Variants in MTUS2 observed in about 807,000 individuals in gnomAD.
MTUS2 encodes the protein microtubule-associated tumor suppressor candidate 2.
In MTUS2, 40 loss-of-function variants were observed where a neutral mutation model predicts 114.1. That is an observed-to-expected ratio of 0.35 (90% confidence interval 0.27 to 0.46). MTUS2 has a LOEUF of 0.46. MTUS2 is among the 20% of genes least tolerant of loss of function. MTUS2 has a pLI of 1.00. For missense variants in MTUS2, 1,679 were observed against 1,705.4 expected (o/e 0.98, Z 0.27); for synonymous variants, 688 against 672.0 (o/e 1.02, Z -0.37).
chr13:29,108,423 G>A (rs1009375975), intron 5 of MTUS2, among the ~76,000 whole-genome samples: 4 of 152,192 alleles, frequency 2.6e-5, no homozygotes, highest in African/African-American at 9.7e-5. Flanking sequence ...CTGAAGGTTT[G>A]GGGAACATTT....
At chr13:28,982,845 AAAGTAG>A (rs1470231405) in intron 2 of MTUS2, among the ~76,000 whole-genome samples, 2 of 152,182 alleles carry the variant, frequency 1.3e-5, no homozygotes, top group African/African-American at 4.8e-5. Flanking sequence ...TCATAGACGA[AAAGTAG>A]AAGGGTGGTT....
chr13:29,014,897 G>A (rs923562929), intron 2 of MTUS2, among the ~76,000 whole-genome samples: 2 of 152,246 alleles, frequency 1.3e-5, no homozygotes, highest in South Asian at 2.1e-4. Flanking sequence ...AGCATGGTAG[G>A]AGATGTGTGG....
chr13:29,296,245 CT>C (rs1402764575), intron 6 of MTUS2, among the ~76,000 whole-genome samples: 2 of 152,006 alleles, frequency 1.3e-5, no homozygotes, highest in African/African-American at 4.8e-5. Flanking sequence ...CAGGGTCTCA[CT>C]CTGTCACCCA....
Position 29,498,564 on chromosome 13 carries a change from G to A in MTUS2, c.3798+27G>A, listed in dbSNP as rs370101300. The A allele has an allele frequency of 2.3e-5, 37 of 1,613,260 alleles. No homozygotes were observed. The African/African-American group carries it at 4.4e-4, about 19-fold the overall frequency. ...TGAGTTGGTCTGTTTGCTCGGGAGA[G>A]TAACCTCCATGACATTCCTGCTGTC... is the stretch of plus-strand genomic sequence containing the variant. On this transcript the variant is annotated intron_variant, in intron 14 of 15. Coordinates refer to ENST00000612955, the MANE Select transcript of MTUS2 (RefSeq NM_001033602.4).
rs560748663 is a variant in MTUS2 at position 29,380,293 on chromosome 13, C to A, written c.3117+20820C>A. 7.9e-5 allele frequency among the ~76,000 whole-genome samples: 12 copies of A among 152,348 alleles called. 1 individual carries two copies. The East Asian group carries it at 2.3e-3, about 29-fold the overall frequency. On this transcript the variant is annotated intron_variant, in intron 8 of 15. Coordinates refer to ENST00000612955, the MANE Select transcript of MTUS2 (RefSeq NM_001033602.4). ...GAACAGCCAACACTGACCCTTATGC[C>A]AGACAGCCGTGAATCTCAGTGACAT...
intron 6 of MTUS2, among the ~76,000 whole-genome samples, chr13:29,317,912 A>G (rs1461896843): frequency 6.6e-6 from 1 of 152,146 alleles, no homozygotes; most frequent in Non-Finnish European, 1.5e-5. Context: ...TACATCATTC[A>G]TGTTTTCTGT....
At chr13:29,349,307 A>G (rs538033993) in intron 7 of MTUS2, among the ~76,000 whole-genome samples, 1 of 152,196 alleles carries the variant, frequency 6.6e-6, no homozygotes, top group South Asian at 2.1e-4. Context: ...TTACAACAGC[A>G]TATTTCCATC....
At chr13:29,045,894 T>C (rs1887591218) in intron 4 of MTUS2, among the ~76,000 whole-genome samples, 1 of 152,126 alleles carries the variant, frequency 6.6e-6, no homozygotes, top group African/African-American at 2.4e-5. Context: ...TCTGTAATCT[T>C]TCCCATCCCC....
chr13:28,924,704 C>A (rs1881234744), intron 2 of MTUS2, among the ~76,000 whole-genome samples: 1 of 152,162 alleles, frequency 6.6e-6, no homozygotes, highest in Non-Finnish European at 1.5e-5. Context: ...AGGGTTCTGG[C>A]CATCTGGCCT....
chr13:29,466,876 C>CAAAAAAAAAAAAAAA (rs11296600), intron 9 of MTUS2, among the ~76,000 whole-genome samples: 16 of 87,584 alleles, frequency 1.8e-4, no homozygotes, highest in Non-Finnish European at 2.9e-4. Flanking sequence ...GACCTCATCT[C>CAAAAAAAAAAAAAAA]AAAAAAAAAA....
intron 8 of MTUS2, among the ~76,000 whole-genome samples, chr13:29,398,201 C>T (rs2138476273): frequency 6.6e-6 from 1 of 152,274 alleles, no homozygotes; most frequent in East Asian, 1.9e-4. Flanking sequence ...TGGCTCATGC[C>T]TATAATCCCA....
chr13:29,403,025 G>A (rs1248754266), intron 8 of MTUS2, among the ~76,000 whole-genome samples: 1 of 152,084 alleles, frequency 6.6e-6, no homozygotes, highest in Non-Finnish European at 1.5e-5. Context: ...GTGAGCCACC[G>A]CGCCCAGCCC....
intron 4 of MTUS2, among the ~76,000 whole-genome samples, chr13:29,092,746 A>G (rs1319427312): frequency 7.5e-6 from 1 of 133,604 alleles, no homozygotes; most frequent in East Asian, 2.4e-4. Flanking sequence ...TTGGCCATGG[A>G]GGTCTCTGGC....
At chr13:29,125,389 A>G (rs552568866) in intron 5 of MTUS2, among the ~76,000 whole-genome samples, 11 of 152,342 alleles carry the variant, frequency 7.2e-5, no homozygotes, top group African/African-American at 2.6e-4. Context: ...AATTCAACCC[A>G]AGAAACACTT....
chr13:28,908,524 C>G (rs1210907347), intron 2 of MTUS2, among the ~76,000 whole-genome samples: 2 of 151,430 alleles, frequency 1.3e-5, no homozygotes, highest in East Asian at 1.9e-4. Flanking sequence ...GCCACATTTT[C>G]TTAATCCAGT....
intron 5 of MTUS2, among the ~76,000 whole-genome samples, chr13:29,257,021 A>G (rs542299289): frequency 7.2e-5 from 11 of 152,236 alleles, no homozygotes; most frequent in Non-Finnish European, 1.3e-4. Flanking sequence ...TTTACTATAT[A>G]CATATATGTA....
intron 2 of MTUS2, among the ~76,000 whole-genome samples, chr13:28,933,634 G>GAT (rs1052583319): frequency 6.6e-6 from 1 of 152,208 alleles, no homozygotes; most frequent in African/African-American, 2.4e-5. Flanking sequence ...GTGATGACAT[G>GAT]ATATAGACTT....
At chr13:28,821,832 AT>A (rs1489573296) in intron 1 of MTUS2, among the ~76,000 whole-genome samples, 1 of 152,226 alleles carries the variant, frequency 6.6e-6, no homozygotes. Flanking sequence ...AAAAAATGGT[AT>A]TGGAAAGGGG....
At chr13:28,924,740 G>C (rs1448096742) in intron 2 of MTUS2, among the ~76,000 whole-genome samples, 1 of 152,098 alleles carries the variant, frequency 6.6e-6, no homozygotes, top group East Asian at 1.9e-4. Context: ...TTGAAGCAGT[G>C]CCCAAGACCC....
Sources: allele counts gnomAD v4.1 joint callset (sites outside exome capture counted in the v4.1 genomes callset), GRCh38; gene constraint gnomAD v4.1.1; transcripts MANE v1.5; gene names NCBI Gene and HGNC (gene_info 2026-07-23, HGNC 2026-07-21).